Variants in ZRANB1 observed in about 807,000 individuals in gnomAD.
ZRANB1 encodes zinc finger RANBP2-type containing 1, also known as ubiquitin thioesterase ZRANB1.
A neutral mutation model predicts 80.5 loss-of-function variants in ZRANB1; 16 were observed. That is an observed-to-expected ratio of 0.20 (90% confidence interval 0.13 to 0.30). The LOEUF (loss-of-function observed/expected upper bound fraction) is 0.30. Ranked by LOEUF, ZRANB1 falls within the 10% of genes least tolerant of loss-of-function variation. The pLI is 1.00. For synonymous variants in ZRANB1, 291 were observed against 293.1 expected (o/e 0.99, Z 0.07); for missense variants, 576 against 862.6 (o/e 0.67, Z 4.16).
At chr10:124,961,884 A>C (rs1003278985) in intron 1 of ZRANB1, among the ~76,000 whole-genome samples, 1 of 152,170 alleles carries the variant, frequency 6.6e-6, no homozygotes, top group Non-Finnish European at 1.5e-5. Context: ...GTTTTGTAGC[A>C]CTGTTACTAG....
At chr10:124,948,960 A>C (rs1295387545) in intron 1 of ZRANB1, among the ~76,000 whole-genome samples, 1 of 152,114 alleles carries the variant, frequency 6.6e-6, no homozygotes, top group African/African-American at 2.4e-5. Flanking sequence ...CTAGCTCTCT[A>C]TGTTTTTCAA....
intron 2 of ZRANB1, among the ~76,000 whole-genome samples, chr10:124,969,921 G>A (rs1307407968): frequency 6.6e-6 from 1 of 152,142 alleles, no homozygotes; most frequent in Non-Finnish European, 1.5e-5. Context: ...GGTGGTGGAA[G>A]GGGTTGTTTG....
upstream of ZRANB1, chr10:124,940,451 A>T: frequency 8.1e-7 from 1 of 1,236,556 alleles, no homozygotes; most frequent in Non-Finnish European, 1.1e-6. Context: ...CTGAGCCAGC[A>T]TGAAGACGGA....
At chr10:124,965,999 A>G (rs1317218680) in intron 1 of ZRANB1, among the ~76,000 whole-genome samples, 1 of 152,196 alleles carries the variant, frequency 6.6e-6, no homozygotes, top group African/African-American at 2.4e-5. Flanking sequence ...TTACGTTATT[A>G]ATAATTCTTA....
chr10:124,949,101 A>G (rs967595707), intron 1 of ZRANB1, among the ~76,000 whole-genome samples: 5 of 152,202 alleles, frequency 3.3e-5, no homozygotes, highest in East Asian at 3.8e-4. Flanking sequence ...CAGGCAGTCT[A>G]TGGACATGAA....
At chr10:124,955,825 A>G (rs149036217) in intron 1 of ZRANB1, among the ~76,000 whole-genome samples, 143 of 152,330 alleles carry the variant, frequency 9.4e-4, no homozygotes, top group African/African-American at 3.2e-3. Context: ...GGGAACACAC[A>G]TGCCTGTGTG....
At chr10:124,918,327 A>G in the ZRANB1 span, among the ~76,000 whole-genome samples, 1 of 152,108 alleles carries the variant, frequency 6.6e-6, no homozygotes, top group Non-Finnish European at 1.5e-5. Flanking sequence ...AGTAGTTGGG[A>G]CTACAGGCAT....
chr10:124,939,751 T>C (rs1404998552), upstream of ZRANB1, among the ~76,000 whole-genome samples: 1 of 152,196 alleles, frequency 6.6e-6, no homozygotes, highest in African/African-American at 2.4e-5. Flanking sequence ...TCCAGTAGCA[T>C]GAGCAAGTAA....
the ZRANB1 span, among the ~76,000 whole-genome samples, chr10:124,936,015 A>G: frequency 6.6e-5 from 10 of 152,214 alleles, no homozygotes; most frequent in Non-Finnish European, 1.2e-4. Flanking sequence ...AACTTCATGA[A>G]GATGAGACTT....
chr10:124,969,486 A>G (rs1223526452), intron 2 of ZRANB1, among the ~76,000 whole-genome samples: 2 of 152,178 alleles, frequency 1.3e-5, no homozygotes, highest in Non-Finnish European at 2.9e-5. Flanking sequence ...TGGAATGAGA[A>G]CAGGAGAACA....
At chr10:124,935,455 C>T in the ZRANB1 span, among the ~76,000 whole-genome samples, 5 of 152,134 alleles carry the variant, frequency 3.3e-5, no homozygotes, top group African/African-American at 1.2e-4. Flanking sequence ...TCCTTGGGGT[C>T]CCCTCTCCTC....
chr10:124,965,154 T>G (rs1452838480), intron 1 of ZRANB1, among the ~76,000 whole-genome samples: 1 of 152,210 alleles, frequency 6.6e-6, no homozygotes, highest in African/African-American at 2.4e-5. Flanking sequence ...TAGGGTACAC[T>G]GTTCCTCAGA....
At chr10:124,922,336 A>ATATATATATATATATATAT in the ZRANB1 span, among the ~76,000 whole-genome samples, 1 of 44,774 alleles carries the variant, frequency 2.2e-5, no homozygotes, top group Non-Finnish European at 5.8e-5. Flanking sequence ...GTATATATAT[A>ATATATATATATATATATAT]TTTTTTTTTT....
the ZRANB1 span, among the ~76,000 whole-genome samples, chr10:124,919,916 C>A: frequency 1.6e-5 from 2 of 121,354 alleles, no homozygotes; most frequent in African/African-American, 6.7e-5. Flanking sequence ...CGGCCCCCCC[C>A]CCCCCTTTTT....
intron 1 of ZRANB1, among the ~76,000 whole-genome samples, chr10:124,947,918 C>G (rs1329735146): frequency 6.6e-6 from 1 of 152,240 alleles, no homozygotes; most frequent in Non-Finnish European, 1.5e-5. Flanking sequence ...TCAGAACCCT[C>G]TAGTGATCAC....
At chr10:124,920,456 A>G in the ZRANB1 span, among the ~76,000 whole-genome samples, 5 of 152,136 alleles carry the variant, frequency 3.3e-5, no homozygotes, top group Admixed American at 6.6e-5. Context: ...ATAAAGTTCA[A>G]GCTTCTTGGT....
intron 1 of ZRANB1, among the ~76,000 whole-genome samples, chr10:124,958,344 AG>A (rs1951703487): frequency 6.6e-6 from 1 of 152,180 alleles, no homozygotes; most frequent in Admixed American, 6.5e-5. Flanking sequence ...TTGAGGCAAG[AG>A]TTTGATGCTG....
chr10:124,955,542 T>TGTGATGC (rs1951682079), intron 1 of ZRANB1, among the ~76,000 whole-genome samples: 1 of 152,200 alleles, frequency 6.6e-6, no homozygotes, highest in Admixed American at 6.5e-5. Flanking sequence ...TACTCTTAAG[T>TGTGATGC]GTGATGCGTG....
chr10:124,970,659 A>G (rs1951816002), intron 2 of ZRANB1, among the ~76,000 whole-genome samples: 1 of 152,136 alleles, frequency 6.6e-6, no homozygotes, highest in South Asian at 2.1e-4. Flanking sequence ...GTCTGCATAT[A>G]TGATGTAGAT....
Sources: allele counts gnomAD v4.1 joint callset (sites outside exome capture counted in the v4.1 genomes callset), GRCh38; gene constraint gnomAD v4.1.1; transcripts MANE v1.5; gene names NCBI Gene and HGNC (gene_info 2026-07-23, HGNC 2026-07-21).